PCDHGA6: variants seen among roughly 807,000 people sequenced by gnomAD.
PCDHGA6 encodes the protein protocadherin gamma-A6.
A neutral mutation model predicts 60.6 loss-of-function variants in PCDHGA6; 41 were observed. That is an observed-to-expected ratio of 0.68 (90% CI 0.53 to 0.88). The LOEUF (loss-of-function observed/expected upper bound fraction) is 0.88. PCDHGA6 is among the 40% of genes least tolerant of loss of function. PCDHGA6 has a pLI of 0.00. For synonymous variants in PCDHGA6, 594 were observed against 524.4 expected (o/e 1.13, Z -1.81); for missense variants, 1,312 against 1,203.0 (o/e 1.09, Z -1.34).
chr5:141,376,186 C>T lies in PCDHGA6; in HGVS notation c.2103C>T (p.Ser701=). Residue 701 remains serine (S), a synonymous_variant, in exon 1 of 4, where the codon TCC becomes TCT. Transcript: ENST00000517434. ...TGGTGGTGGCGGTGGCCGCGGTCTC[C>T]TGCGTCTTCCTGGCCTTCGTCATCG... ...LYLVVAVAAV[S]CVFLAFVIVL... is the part of the protein sequence containing the mutation. 2 of 1,614,136 alleles carry T rather than the reference C, an allele frequency of 1.2e-6. No individual in the cohort carries two copies. Among genetic ancestry groups the T allele is most frequent in the Non-Finnish European group, 1.7e-6 (2 of 1,180,020 alleles).
chr5:141,422,831 C>A (rs766457129), intron 1 of PCDHGA6: 11 of 1,614,242 alleles, frequency 6.8e-6, no homozygotes, highest in Non-Finnish European at 6.8e-6. Context: ...AGAGTGATAG[C>A]ACGTGACAGC....
At chr5:141,453,780 C>T (rs1330142662) in intron 1 of PCDHGA6, among the ~76,000 whole-genome samples, 3 of 152,090 alleles carry the variant, frequency 2.0e-5, no homozygotes, top group African/African-American at 4.8e-5. Flanking sequence ...TTTTAGTTAC[C>T]ATGGTATATT....
At chr5:141,400,681 T>A in intron 1 of PCDHGA6, 1 of 834,118 alleles carries the variant, frequency 1.2e-6, no homozygotes, top group Non-Finnish European at 1.9e-6. Context: ...CAGTAAATTG[T>A]GAGTTTTTAT....
intron 1 of PCDHGA6, among the ~76,000 whole-genome samples, chr5:141,465,779 G>GT (rs879859429): frequency 0.017 from 2,504 of 144,598 alleles, 23 homozygotes; most frequent in Non-Finnish European, 0.024. Flanking sequence ...TCTTGTTACA[G>GT]TTTTTTTTTT....
chr5:141,400,044 G>C lies in PCDHGA6; in HGVS notation c.2424+23537G>C, dbSNP rs745775469. 4 of 1,613,556 alleles carry C rather than the reference G, an allele frequency of 2.5e-6. No homozygotes were observed. In the South Asian group the frequency reaches 4.4e-5, roughly 18 times the overall value. On this transcript the variant is annotated intron_variant, in intron 1 of 3. Coordinates refer to ENST00000517434, the MANE Select transcript of PCDHGA6 (RefSeq NM_018919.3). ...GGGACGCGGCCCGCCAGCGCCTGCT[G>C]GTTGCTGTGCGTGATGGTGGACAGC...
rs1384790784 is a variant in PCDHGA6, at chr5:141,431,800, G to T, written c.2424+55293G>T. 1 of 1,614,206 alleles carries T rather than the reference G, an allele frequency of 6.2e-7. No individual in the cohort carries two copies. Among genetic ancestry groups the T allele is most frequent in the African/African-American group, 1.3e-5 (1 of 75,054 alleles). ...ACGTGAACGACAATGCCCCAGAAGT[G>T]GTCCTCACCTCTCTCGCCAGCTCGG... On this transcript the variant is annotated intron_variant, in intron 1 of 3. Transcript: ENST00000517434. This position sits in a 1 kb window ranked among gnomAD's most constrained non-coding sequence, Gnocchi z 4.8.
chr5:141,477,536 G>T lies in PCDHGA6; in HGVS notation c.2425-17271G>T. 1.2e-6 allele frequency: 2 copies of T among 1,614,076 alleles called. No homozygotes were observed. Among genetic ancestry groups the T allele is most frequent in the Non-Finnish European group, 1.7e-6 (2 of 1,180,018 alleles). ...CATTGAAGAAAACAACCTCCCCGGG[G>T]CTCCAATACTAAACCTAAGTGTCTG... On this transcript the variant is annotated intron_variant, in intron 1 of 3. Coordinates refer to ENST00000517434, the MANE Select transcript of PCDHGA6 (RefSeq NM_018919.3). The surrounding 1 kb of genome is among the most constrained non-coding windows in gnomAD (Gnocchi z 4.9).
At chr5:141,423,669 T>C in intron 1 of PCDHGA6, 1 of 1,554,480 alleles carries the variant, frequency 6.4e-7, no homozygotes, top group Non-Finnish European at 8.7e-7. Flanking sequence ...AGGTGAGATT[T>C]ATTTCTCTGC....
rs749825552 is a variant in PCDHGA6 at position 141,375,345 on chromosome 5, C to G, written c.1262C>G (p.Thr421Ser). 5.6e-6 allele frequency: 9 copies of G among 1,613,740 alleles called. No homozygotes were observed. Among genetic ancestry groups the G allele is most frequent in the African/African-American group, 1.3e-5 (1 of 74,944 alleles). ...GAAGAGGTATTCTTGTACAACATCA[C>G]TGTGACAGCCACGGACAAAGGAACA... Reference protein sequence around the residue: ...DREEVFLYNITVTATDKGTPP... With the variant: ...DREEVFLYNISVTATDKGTPP... The change falls in exon 1 of 4, where the codon ACT becomes AGT. Residue 421 changes from threonine (T) to serine (S), a missense_variant. By Grantham distance (58) the Thr-to-Ser change is moderately conservative. Coordinates refer to ENST00000517434, the MANE Select transcript of PCDHGA6 (RefSeq NM_018919.3).
chr5:141,430,915 G>T, intron 1 of PCDHGA6: 1 of 1,607,738 alleles, frequency 6.2e-7, no homozygotes, highest in East Asian at 2.2e-5. Flanking sequence ...CCAGGGACCT[G>T]GGGCTGGAGC....
chr5:141,412,416 G>A (rs897228706), intron 1 of PCDHGA6: 1 of 152,162 alleles, frequency 6.6e-6, no homozygotes, highest in Non-Finnish European at 1.5e-5. Flanking sequence ...GATAAAGTAT[G>A]TTTTACACAA....
intron 1 of PCDHGA6, chr5:141,423,601 C>A (rs372165060): frequency 1.9e-6 from 3 of 1,612,704 alleles, no homozygotes; most frequent in Non-Finnish European, 2.5e-6. Flanking sequence ...AAGCGAGCCA[C>A]TCTTGATAGC....
Position 141,409,742 on chromosome 5 carries a change from G to A in PCDHGA6, c.2424+33235G>A, listed in dbSNP as rs763304955. On this transcript the variant is annotated intron_variant, in intron 1 of 3. Coordinates refer to ENST00000517434, the MANE Select transcript of PCDHGA6 (RefSeq NM_018919.3). Reference sequence around the variant, plus strand: ...GTCAGTGAGCGCGCAGAGCGGGGTGGTGTTCGCGCAGCGCGCCTTTGATCA... The same window carrying A: ...GTCAGTGAGCGCGCAGAGCGGGGTGATGTTCGCGCAGCGCGCCTTTGATCA... 4.3e-6 allele frequency: 7 copies of A among 1,612,986 alleles called. No individual in the cohort carries two copies. In the South Asian group the frequency reaches 5.5e-5, roughly 13 times the overall value.
intron 2 of PCDHGA6, among the ~76,000 whole-genome samples, chr5:141,504,288 G>GT (rs1175142876): frequency 6.6e-6 from 1 of 152,124 alleles, no homozygotes; most frequent in African/African-American, 2.4e-5. Context: ...ATCATTTCAT[G>GT]TTTTTTCAAC....
chr5:141,398,882 G>A, intron 1 of PCDHGA6: 1 of 1,613,930 alleles, frequency 6.2e-7, no homozygotes, highest in Non-Finnish European at 8.5e-7. Context: ...GTCAGCCTTC[G>A]GGAAAACGTG....
chr5:141,407,589 C>G (rs1305349867), intron 1 of PCDHGA6, among the ~76,000 whole-genome samples: 1 of 151,660 alleles, frequency 6.6e-6, no homozygotes, highest in Non-Finnish European at 1.5e-5. Context: ...ACCTTAATGT[C>G]TCATCTTAAA....
intron 1 of PCDHGA6, among the ~76,000 whole-genome samples, chr5:141,458,298 A>G (rs2098942125): frequency 6.6e-6 from 1 of 152,178 alleles, no homozygotes; most frequent in African/African-American, 2.4e-5. Context: ...ATGCTGGTTT[A>G]GATAAAATGA....
intron 2 of PCDHGA6, among the ~76,000 whole-genome samples, chr5:141,500,125 T>C (rs1367341826): frequency 2.0e-5 from 3 of 151,970 alleles, no homozygotes; most frequent in African/African-American, 4.8e-5. Flanking sequence ...CCTTTTCATA[T>C]ATATCTTTCT....
chr5:141,472,009 G>A (rs917861040), intron 1 of PCDHGA6, among the ~76,000 whole-genome samples: 11 of 152,074 alleles, frequency 7.2e-5, no homozygotes, highest in African/African-American at 2.7e-4. Flanking sequence ...TCGTATAGGG[G>A]CACTATATTG....
Sources: allele counts gnomAD v4.1 joint callset (sites outside exome capture counted in the v4.1 genomes callset), GRCh38; gene constraint gnomAD v4.1.1; non-coding constraint Gnocchi (gnomAD v3.1); transcripts MANE v1.5; gene names NCBI Gene and HGNC (gene_info 2026-07-23, HGNC 2026-07-21).